The following TAB1 variants were observed in gnomAD, a reference collection of about 807,000 sequenced individuals.
TAB1 encodes the protein TGF-beta activated kinase 1 (MAP3K7) binding protein 1, also known as TGF-beta-activated kinase 1 and MAP3K7-binding protein 1.
A neutral mutation model predicts 54.5 loss-of-function variants in TAB1; 30 were observed. The observed-to-expected ratio is 0.55, with a 90% CI of 0.41 to 0.75. The LOEUF is 0.75. Ranked by LOEUF, TAB1 falls within the 30% of genes least tolerant of loss-of-function variation. The pLI is 0.00. For synonymous variants in TAB1, 289 were observed against 286.9 expected (o/e 1.01, Z -0.07); for missense variants, 609 against 683.2 (o/e 0.89, Z 1.21).
At chr22:39,403,640 C>CTT (rs35800128) in intron 1 of TAB1, among the ~76,000 whole-genome samples, 1,924 of 137,344 alleles carry the variant, frequency 0.014, 39 homozygotes, top group South Asian at 0.034. Flanking sequence ...AAAAATCCCT[C>CTT]TTTTTTTTTT....
rs1015770640 is a variant in TAB1 at position 39,428,176 on chromosome 22, C to T, written c.1300C>T (p.Leu434Phe). The change falls in exon 10 of 11, where the codon CTC becomes TTC. Residue 434 changes from leucine (L) to phenylalanine (F), a missense_variant. Transcript: ENST00000216160. ...ASTLDEATPT[L>F]TNQSPTLTLQ... ...CACCCTGGACGAAGCCACCCCCACC[C>T]TCACCAAGTAAGTCCCTTCCCCACT... The T allele has an allele frequency of 1.2e-6, 2 of 1,603,408 alleles. No individual in the cohort carries two copies. Among genetic ancestry groups the T allele is most frequent in the African/African-American group, 2.7e-5 (2 of 74,794 alleles).
downstream of TAB1, among the ~76,000 whole-genome samples, chr22:39,434,643 A>G (rs1927719345): frequency 6.6e-6 from 1 of 152,222 alleles, no homozygotes; most frequent in Admixed American, 6.5e-5. Flanking sequence ...AGTGTCTGAC[A>G]GCTGGCTTTG....
intron 10 of TAB1, chr22:39,429,267 C>T (rs972937184): frequency 1.6e-5 from 16 of 985,214 alleles, no homozygotes; most frequent in South Asian, 9.4e-5. Flanking sequence ...GGGAGGGGGG[C>T]GAAGGAAGGT....
downstream of TAB1, chr22:39,432,369 C>T (rs1417337029): frequency 1.3e-5 from 2 of 152,274 alleles, no homozygotes; most frequent in African/African-American, 4.8e-5. Context: ...GCACTTCATC[C>T]TGCTTTCTGG....
In TAB1 at chr22:39,418,737, A is replaced by T; in HGVS notation, c.556A>T (p.Asn186Tyr). 6.2e-7 allele frequency: 1 copy of T among 1,613,212 alleles called. No individual in the cohort carries two copies. The highest frequency in any genetic ancestry group is 8.5e-7 in the Non-Finnish European group (1 of 1,179,214). The change falls in exon 6 of 11, where the codon AAC becomes TAC. Residue 186 changes from asparagine (N) to tyrosine (Y), a missense_variant. Coordinates refer to ENST00000216160, the MANE Select transcript of TAB1 (RefSeq NM_006116.3). ...NKLYVANVGT[N>Y]RALLCKSTVD... is the part of the protein sequence containing the mutation. ...CTGTTCACATTCTGCCACAGGTACA[A>T]ACCGTGCACTTTTATGCAAATCGAC...
At chr22:39,433,997 C>G (rs528771089), downstream of TAB1, among the ~76,000 whole-genome samples, 1 of 152,130 alleles carries the variant, frequency 6.6e-6, no homozygotes, top group Non-Finnish European at 1.5e-5. Context: ...TCTTATTCCA[C>G]TAGGTCCCAG....
At chr22:39,429,435 C>T (rs1927490994) in intron 10 of TAB1, 2 of 892,030 alleles carry the variant, frequency 2.2e-6, no homozygotes, top group East Asian at 2.4e-4. Flanking sequence ...CACGGCGTCT[C>T]TAGCCACTTG....
At chr22:39,416,268 G>A (rs1214611354) in intron 3 of TAB1, among the ~76,000 whole-genome samples, 2 of 152,230 alleles carry the variant, frequency 1.3e-5, no homozygotes, top group Non-Finnish European at 2.9e-5. Context: ...CACACAGGGG[G>A]AGAAGGTGTC....
chr22:39,421,259 C>T (rs1458160975), intron 7 of TAB1, among the ~76,000 whole-genome samples: 1 of 152,250 alleles, frequency 6.6e-6, no homozygotes, highest in Non-Finnish European at 1.5e-5. Flanking sequence ...AATAACCGCT[C>T]CCAGGGCCCA....
At chr22:39,419,396 T>G in intron 6 of TAB1, 123 bp from the exon 7 acceptor site, 2 of 738,586 alleles carry the variant, frequency 2.7e-6, no homozygotes, top group Non-Finnish European at 4.3e-6. Flanking sequence ...TGCCCTGGTG[T>G]TGTCTTCATT....
At position 39,416,786 on chromosome 22, in the gene TAB1, C is replaced by T. The variant is rs118131187; in HGVS notation, c.325-5C>T. On this transcript the variant is annotated splice_region_variant and splice_polypyrimidine_tract_variant and intron_variant, in intron 3 of 10. Transcript: ENST00000216160. ...CAGCCTTTGCCCTGTCCTGTGTCCC[C>T]CTAGGCCTTCGATGTGGTGGAGAGG... 1.5e-3 allele frequency: 2,359 copies of T among 1,614,168 alleles called. 73 individuals carry two copies. The East Asian group carries it at 0.046, about 31-fold the overall frequency.
In TAB1 at chr22:39,428,148, T is replaced by C. The variant is rs1256962065; in HGVS notation, c.1272T>C (p.Ala424=). 13 of 1,612,918 alleles carry C rather than the reference T, an allele frequency of 8.1e-6. No homozygotes were observed. Among genetic ancestry groups the C allele is most frequent in the Non-Finnish European group, 1.1e-5 (13 of 1,179,154 alleles). Residue 424 remains alanine (A), a synonymous_variant, in exon 10 of 11, where the codon GCT becomes GCC. Transcript: ENST00000216160. ...QGQMVNGAHS[A]STLDEATPTL... ...AGATGGTCAACGGGGCTCACAGTGCTTCCACCCTGGACGAAGCCACCCCCA... is the reference window on the plus strand; with the variant it reads ...AGATGGTCAACGGGGCTCACAGTGCCTCCACCCTGGACGAAGCCACCCCCA...
chr22:39,404,446 G>A (rs893321548), intron 1 of TAB1, among the ~76,000 whole-genome samples: 1 of 152,032 alleles, frequency 6.6e-6, no homozygotes, highest in African/African-American at 2.4e-5. Context: ...ATGGTGGTAT[G>A]TGCCTGTAGT....
intron 1 of TAB1, among the ~76,000 whole-genome samples, chr22:39,400,285 T>C (rs1926079638): frequency 6.6e-6 from 1 of 152,236 alleles, no homozygotes; most frequent in Admixed American, 6.5e-5. Context: ...TAGGTGCTAC[T>C]GTTATTCCTA....
chr22:39,418,777 A>T lies in TAB1; in HGVS notation c.596A>T (p.Gln199Leu), dbSNP rs757511417. 1 of 1,614,186 alleles carries T rather than the reference A, an allele frequency of 6.2e-7. No homozygotes were observed. The highest frequency in any genetic ancestry group is 8.5e-7 in the Non-Finnish European group (1 of 1,180,014). The change falls in exon 6 of 11, where the codon CAG becomes CTG. Residue 199 changes from glutamine (Q) to leucine (L), a missense_variant. Coordinates refer to ENST00000216160, the MANE Select transcript of TAB1 (RefSeq NM_006116.3). ...TGCAAATCGACAGTGGATGGGTTGC[A>T]GGTGACACAGCTGAACGTGGACCAC... ...LLCKSTVDGLQVTQLNVDHTT... is the reference protein window; with the variant it reads ...LLCKSTVDGLLVTQLNVDHTT...
chr22:39,415,467 C>G lies in TAB1; in HGVS notation c.171-33C>G, dbSNP rs892950932. The G allele has an allele frequency of 6.2e-7, 1 of 1,602,898 alleles. No homozygotes were observed. Among genetic ancestry groups the G allele is most frequent in the Non-Finnish European group, 8.5e-7 (1 of 1,170,782 alleles). The stretch of plus-strand genomic sequence containing the variant: ...CCCTCCACCTCCGTGAGACCCTGGT[C>G]TCAGGCCTCCCTCTGCCCTCTCCCT... On this transcript the variant is annotated intron_variant, in intron 2 of 10. Coordinates refer to ENST00000216160, the MANE Select transcript of TAB1 (RefSeq NM_006116.3). This position sits in a 1 kb window ranked among gnomAD's most constrained non-coding sequence, Gnocchi z 4.9.
downstream of TAB1, chr22:39,433,286 C>T: frequency 5.9e-6 from 5 of 849,520 alleles, no homozygotes; most frequent in Non-Finnish European, 7.1e-6. Context: ...CCTGTCTCTA[C>T]TAAAAATAAA....
At chr22:39,419,056 G>A (rs1156787917) in intron 6 of TAB1, among the ~76,000 whole-genome samples, 1 of 152,258 alleles carries the variant, frequency 6.6e-6, no homozygotes, top group Non-Finnish European at 1.5e-5. Flanking sequence ...GTGTAATGAG[G>A]ATAATAGTAA....
chr22:39,433,623 C>T (rs1037658524), downstream of TAB1: 3 of 985,384 alleles, frequency 3.0e-6, no homozygotes, highest in African/African-American at 1.7e-5. Context: ...CTGGTCTGGT[C>T]GTCTCATTCT....
Sources: allele counts gnomAD v4.1 joint callset (sites outside exome capture counted in the v4.1 genomes callset), GRCh38; gene constraint gnomAD v4.1.1; non-coding constraint Gnocchi (gnomAD v3.1); transcripts MANE v1.5; gene names NCBI Gene and HGNC (gene_info 2026-07-23, HGNC 2026-07-21).